Variants in MFAP3 observed in about 807,000 individuals in gnomAD.
The protein encoded by MFAP3 is microfibril associated protein 3, also known as microfibril-associated glycoprotein 3.
MFAP3 carries 8 observed loss-of-function variants against 20.5 expected under a neutral mutation model. The observed-to-expected ratio is 0.39, with a 90% confidence interval of 0.23 to 0.70. The LOEUF (loss-of-function observed/expected upper bound fraction) is 0.70. Ranked by LOEUF, MFAP3 falls within the 30% of genes least tolerant of loss-of-function variation. The pLI is 0.44. For missense variants in MFAP3, 398 were observed against 444.6 expected, an observed-to-expected ratio of 0.90 and a Z score of 0.94; for synonymous variants, 140 against 154.0, an observed-to-expected ratio of 0.91 and a Z score of 0.67.
At chr5:154,051,804 C>T (rs1183964012) in intron 2 of MFAP3, 2 of 152,134 alleles carry the variant, frequency 1.3e-5, no homozygotes, top group Non-Finnish European at 2.9e-5. Context: ...TTATGTGCCA[C>T]TAAAATAATC....
In MFAP3 at chr5:154,056,201, A is replaced by C. The variant is rs1773328008; in HGVS notation, c.*2488A>C. ...ACGATACTGTATAGTAACTAAATGCATGCTACTCCGTTGTATCCTAGTTAT... is the reference window on the plus strand; with the variant it reads ...ACGATACTGTATAGTAACTAAATGCCTGCTACTCCGTTGTATCCTAGTTAT... On this transcript the variant is annotated 3_prime_UTR_variant, in exon 3 of 3. Transcript: ENST00000522782. Among the ~76,000 whole-genome samples the C allele has an allele frequency of 1.3e-5, 2 of 152,234 alleles. No individual in the cohort carries two copies. Among genetic ancestry groups the C allele is most frequent in the African/African-American group, 4.8e-5 (2 of 41,454 alleles).
At chr5:154,042,278 T>C (rs1363027458) in intron 1 of MFAP3, among the ~76,000 whole-genome samples, 2 of 152,242 alleles carry the variant, frequency 1.3e-5, no homozygotes, top group Non-Finnish European at 2.9e-5. Flanking sequence ...TTGCATCCAG[T>C]AGCTATTCAG....
chr5:154,052,767 G>A (rs906004577), intron 2 of MFAP3, among the ~76,000 whole-genome samples, 153 bp from the exon 3 acceptor site: 1 of 152,120 alleles, frequency 6.6e-6, no homozygotes, highest in Non-Finnish European at 1.5e-5. Flanking sequence ...CTCACAGTCT[G>A]CCCTTTTTTT....
Position 154,055,354 on chromosome 5 carries a change from T to C in MFAP3, c.*1641T>C, listed in dbSNP as rs1442553759. On this transcript the variant is annotated 3_prime_UTR_variant, in exon 3 of 3. Coordinates refer to ENST00000522782, the MANE Select transcript of MFAP3 (RefSeq NM_005927.5). ...CTTATCAGAAGTAATACATCTGCTCTGAATAGCATGAATGAATCAATGTGC... is the reference window on the plus strand; with the variant it reads ...CTTATCAGAAGTAATACATCTGCTCCGAATAGCATGAATGAATCAATGTGC... 6.6e-6 allele frequency among the ~76,000 whole-genome samples: 1 copy of C among 152,198 alleles called. No individual in the cohort carries two copies. The highest frequency in any genetic ancestry group is 1.5e-5 in the Non-Finnish European group (1 of 68,036).
At chr5:154,046,117 A>G (rs543274470) in intron 1 of MFAP3, among the ~76,000 whole-genome samples, 6 of 152,308 alleles carry the variant, frequency 3.9e-5, no homozygotes, top group East Asian at 1.9e-4. Context: ...GTGATATTCA[A>G]CCTGGTTTGG....
intron 1 of MFAP3, among the ~76,000 whole-genome samples, chr5:154,039,743 A>G (rs996302911): frequency 6.6e-6 from 1 of 152,196 alleles, no homozygotes; most frequent in African/African-American, 2.4e-5. Context: ...CAGAGCTAGT[A>G]AAATATTAAA....
chr5:154,045,304 C>G (rs1023034418), intron 1 of MFAP3, among the ~76,000 whole-genome samples: 6 of 152,172 alleles, frequency 3.9e-5, no homozygotes, highest in Non-Finnish European at 7.3e-5. Context: ...GACAAATCTT[C>G]TCTACCACAA....
chr5:154,044,612 G>A (rs957511785), intron 1 of MFAP3, among the ~76,000 whole-genome samples: 7 of 152,170 alleles, frequency 4.6e-5, no homozygotes, highest in African/African-American at 1.7e-4. Flanking sequence ...GCCATGTTTG[G>A]CCTAAGAGCA....
At chr5:154,050,232 A>G (rs1349446340) in intron 2 of MFAP3, among the ~76,000 whole-genome samples, 1 of 152,190 alleles carries the variant, frequency 6.6e-6, no homozygotes, top group East Asian at 1.9e-4. Flanking sequence ...TAAATTTAAA[A>G]GATGTTCACA....
At chr5:154,044,741 T>G (rs1342938254) in intron 1 of MFAP3, among the ~76,000 whole-genome samples, 1 of 152,142 alleles carries the variant, frequency 6.6e-6, no homozygotes, top group Non-Finnish European at 1.5e-5. Flanking sequence ...CTTGCCACAC[T>G]CCACTGTGTA....
At position 154,048,752 on chromosome 5, in the gene MFAP3, T is replaced by G. The variant is rs549508102; in HGVS notation, c.-166-805T>G. 2.6e-5 allele frequency among the ~76,000 whole-genome samples: 4 copies of G among 152,292 alleles called. No homozygotes were observed. The East Asian group carries it at 7.7e-4, about 29-fold the overall frequency. ...ACAATCTGTCCCTGTAGTTTTATAT[T>G]TGCATTTCTACTAACTAGACACTTA... On this transcript the variant is annotated intron_variant, in intron 1 of 2. Transcript: ENST00000522782.
chr5:154,046,903 T>C (rs1773081749), intron 1 of MFAP3, among the ~76,000 whole-genome samples: 1 of 152,134 alleles, frequency 6.6e-6, no homozygotes, highest in South Asian at 2.1e-4. Context: ...TGGACGAATA[T>C]CTCCCTCACT....
intron 1 of MFAP3, among the ~76,000 whole-genome samples, chr5:154,045,586 G>C (rs1208994495): frequency 6.6e-6 from 1 of 151,996 alleles, no homozygotes; most frequent in Admixed American, 6.6e-5. Flanking sequence ...AATAATAATA[G>C]AGCTTATTCA....
At chr5:154,039,707 G>A (rs1281478116) in intron 1 of MFAP3, among the ~76,000 whole-genome samples, 1 of 152,182 alleles carries the variant, frequency 6.6e-6, no homozygotes, top group African/African-American at 2.4e-5. Context: ...CCCTCGAGCA[G>A]TGAAAATGCA....
In MFAP3 at chr5:154,053,663, G is replaced by T. The variant is rs1357174674; in HGVS notation, c.1039G>T (p.Glu347Ter). 6.2e-7 allele frequency: 1 copy of T among 1,613,822 alleles called. No individual in the cohort carries two copies. Residue 347 changes from glutamate (E) to a stop codon, truncating the protein, a stop_gained, in exon 3 of 3, where the codon GAA (glutamate) becomes TAA (stop). Coordinates refer to ENST00000522782, the MANE Select transcript of MFAP3 (RefSeq NM_005927.5). LOFTEE classifies it low-confidence loss of function (END_TRUNC). ...FSPPDDIGSAESNCNYKDGAY... is the reference protein window; with the variant it reads ...FSPPDDIGSA ...TCCACCTGATGATATAGGATCTGCA[G>T]AATCTAACTGTAACTACAAAGATGG... is the stretch of plus-strand genomic sequence containing the variant.
At position 154,056,696 on chromosome 5, in the gene MFAP3, A is replaced by G. The variant is rs1057305484; in HGVS notation, c.*2983A>G. Reference sequence around the variant, plus strand: ...CAAAAATCAAAATTTGAACATCTTTATGATTCCTTACCAGCTGAAGCCAGA... The same window carrying G: ...CAAAAATCAAAATTTGAACATCTTTGTGATTCCTTACCAGCTGAAGCCAGA... On this transcript the variant is annotated 3_prime_UTR_variant, in exon 3 of 3. Coordinates refer to ENST00000522782, the MANE Select transcript of MFAP3 (RefSeq NM_005927.5). Among the ~76,000 whole-genome samples, 2 of 152,196 alleles carry G rather than the reference A, an allele frequency of 1.3e-5. No homozygotes were observed. Among genetic ancestry groups the G allele is most frequent in the African/African-American group, 4.8e-5 (2 of 41,462 alleles).
intron 2 of MFAP3, chr5:154,051,647 G>A (rs1773194135): frequency 6.6e-6 from 1 of 152,152 alleles, no homozygotes; most frequent in South Asian, 2.1e-4. Context: ...TAGAACAGAA[G>A]CTTATGGAAA....
chr5:154,039,246 C>G (rs1772835219), intron 1 of MFAP3: 2 of 152,216 alleles, frequency 1.3e-5, no homozygotes, highest in South Asian at 4.1e-4. Context: ...AAGGGCCCTG[C>G]TCTCAAGCAG....
chr5:154,053,061 AC>A lies in MFAP3; in HGVS notation c.438del (p.Asp146GlufsTer2). 6.2e-7 allele frequency: 1 copy of A among 1,613,600 alleles called. No individual in the cohort carries two copies. The highest frequency in any genetic ancestry group is 8.5e-7 in the Non-Finnish European group (1 of 1,179,850). On this transcript the variant is annotated frameshift_variant, in exon 3 of 3. Transcript: ENST00000522782. LOFTEE classifies it high-confidence loss of function. ...CTACGTGTTATCTTCACCTCGGGAGACATGAGTGTCTATTACATGATTGTTT... is the reference window on the plus strand; with the variant it reads ...CTACGTGTTATCTTCACCTCGGGAGAATGAGTGTCTATTACATGATTGTTT... ...VTLRVIFTSG[D>X]MSVYYMIVCL...
Sources: allele counts gnomAD v4.1 joint callset (sites outside exome capture counted in the v4.1 genomes callset), GRCh38; gene constraint gnomAD v4.1.1; transcripts MANE v1.5; gene names NCBI Gene and HGNC (gene_info 2026-07-23, HGNC 2026-07-21).